Variants in CDK14 observed in about 807,000 individuals in gnomAD.
CDK14 encodes cyclin dependent kinase 14.
Under a neutral mutation model 60.7 loss-of-function variants are expected in CDK14, and 34 were observed. The observed-to-expected ratio is 0.56, with a 90% CI of 0.43 to 0.75. CDK14 has a LOEUF of 0.75. CDK14 is among the 30% of genes least tolerant of loss of function. The pLI, the probability that CDK14 is intolerant of heterozygous loss-of-function variation, is 0.00. For synonymous variants in CDK14, 197 were observed against 203.7 expected, an observed-to-expected ratio of 0.97 and a Z score of 0.28; for missense variants, 482 against 564.1, an observed-to-expected ratio of 0.85 and a Z score of 1.47.
chr7:91,000,664 A>G (rs1795812432), intron 10 of CDK14, among the ~76,000 whole-genome samples: 1 of 152,232 alleles, frequency 6.6e-6, no homozygotes, highest in African/African-American at 2.4e-5. Context: ...TATGTAGGAC[A>G]AGTTTTAGAA....
At chr7:90,897,782 G>A (rs2117346898) in intron 6 of CDK14, among the ~76,000 whole-genome samples, 1 of 152,078 alleles carries the variant, frequency 6.6e-6, no homozygotes, top group Non-Finnish European at 1.5e-5. Context: ...TCATATTTTA[G>A]GTTTGTTTTT....
intron 7 of CDK14, among the ~76,000 whole-genome samples, chr7:90,903,916 G>A (rs1355128427): frequency 6.6e-6 from 1 of 152,082 alleles, no homozygotes; most frequent in East Asian, 1.9e-4. Flanking sequence ...AAGGAGGAGA[G>A]GCCAAGATTT....
chr7:90,654,427 C>A (rs1800710733), intron 2 of CDK14, among the ~76,000 whole-genome samples: 1 of 152,064 alleles, frequency 6.6e-6, no homozygotes, highest in African/African-American at 2.4e-5. Context: ...TGTCCCTTGG[C>A]CAGAATTTTG....
chr7:91,147,149 C>CTCTG (rs1244711219), intron 14 of CDK14, among the ~76,000 whole-genome samples: 3 of 102,204 alleles, frequency 2.9e-5, no homozygotes, highest in Non-Finnish European at 4.3e-5. Flanking sequence ...CTGTCTCTCT[C>CTCTG]TCTCTCTCTC....
intron 10 of CDK14, among the ~76,000 whole-genome samples, chr7:91,003,010 T>C: frequency 6.6e-6 from 1 of 152,108 alleles, no homozygotes; most frequent in Non-Finnish European, 1.5e-5. Context: ...AGGCGGAGCT[T>C]ATAGTGAGCC....
At chr7:91,031,767 G>A (rs1400451127) in intron 10 of CDK14, among the ~76,000 whole-genome samples, 1 of 152,178 alleles carries the variant, frequency 6.6e-6, no homozygotes, top group Non-Finnish European at 1.5e-5. Context: ...ACATTTTCCA[G>A]GATGAAATAA....
At chr7:91,077,036 A>C (rs1405553382) in intron 11 of CDK14, among the ~76,000 whole-genome samples, 1 of 152,246 alleles carries the variant, frequency 6.6e-6, no homozygotes, top group Non-Finnish European at 1.5e-5. Context: ...GAACACTTTT[A>C]CACTGTTAGT....
rs368367380 is a variant in CDK14 at position 90,796,910 on chromosome 7, T to G, written c.544+6258T>G. 2.6e-5 allele frequency among the ~76,000 whole-genome samples: 4 copies of G among 151,850 alleles called. No individual in the cohort carries two copies. In the East Asian group the frequency reaches 5.8e-4, roughly 22 times the overall value. On this transcript the variant is annotated intron_variant, in intron 5 of 14. Transcript: ENST00000380050. The stretch of plus-strand genomic sequence containing the variant: ...GAATGTTGAGTGAAAACAGAGTCAG[T>G]TACAAGGCAAGGTAGAAACTCCCAT...
chr7:91,172,852 C>T (rs1418787549), intron 14 of CDK14, among the ~76,000 whole-genome samples: 2 of 152,284 alleles, frequency 1.3e-5, no homozygotes, highest in East Asian at 1.9e-4. Flanking sequence ...CTTTCACTCA[C>T]ATCAGATTTT....
rs747486615 is a variant in CDK14, at chr7:90,853,376, G to C, written c.545-9799G>C. ...ACTTTCAGTAGAATCTACCTCAGTA[G>C]CTTTGTGTGTGAGAGAGGGGAAACC... is the stretch of plus-strand genomic sequence containing the variant. On this transcript the variant is annotated intron_variant, in intron 5 of 14. Transcript: ENST00000380050. 1.2e-3 allele frequency among the ~76,000 whole-genome samples: 183 copies of C among 152,028 alleles called. 1 individual carries two copies. Among genetic ancestry groups the C allele is most frequent in the Non-Finnish European group, 2.2e-3 (147 of 67,996 alleles).
intron 6 of CDK14, among the ~76,000 whole-genome samples, chr7:90,885,560 A>G (rs1359930898): frequency 6.6e-6 from 1 of 152,240 alleles, no homozygotes; most frequent in Non-Finnish European, 1.5e-5. Flanking sequence ...CAATCCCATT[A>G]TAGGGTATAT....
chr7:91,080,735 A>G (rs567097776), intron 12 of CDK14, among the ~76,000 whole-genome samples: 3 of 152,354 alleles, frequency 2.0e-5, no homozygotes, highest in Non-Finnish European at 4.4e-5. Flanking sequence ...TTCCAACCAG[A>G]TAACCACTTT....
chr7:90,641,041 C>G (rs374269607), intron 2 of CDK14, among the ~76,000 whole-genome samples: 1 of 150,294 alleles, frequency 6.7e-6, no homozygotes, highest in Non-Finnish European at 1.5e-5. Context: ...AAAACCATCA[C>G]GAGCTACCAC....
chr7:90,893,080 T>A (rs1364316848), intron 6 of CDK14, among the ~76,000 whole-genome samples: 2 of 152,208 alleles, frequency 1.3e-5, no homozygotes, highest in Non-Finnish European at 2.9e-5. Flanking sequence ...AGTGTGGGGC[T>A]TGAGTCTTCA....
intron 8 of CDK14, among the ~76,000 whole-genome samples, chr7:90,925,167 A>G (rs1440999786): frequency 2.0e-5 from 3 of 152,224 alleles, no homozygotes; most frequent in African/African-American, 4.8e-5. Context: ...TTTCTGTGAA[A>G]TATCTGTCAA....
chr7:90,661,648 G>C (rs1219944477), intron 2 of CDK14, among the ~76,000 whole-genome samples: 1 of 152,126 alleles, frequency 6.6e-6, no homozygotes, highest in Non-Finnish European at 1.5e-5. Flanking sequence ...TAGGTCATCT[G>C]GTGACTAGTT....
At chr7:90,778,846 ACCTT>A (rs35971285) in intron 4 of CDK14, among the ~76,000 whole-genome samples, 11,216 of 127,868 alleles carry the variant, frequency 0.088, 518 homozygotes, top group Middle Eastern at 0.11. Flanking sequence ...AAATTGACCG[ACCTT>A]CCTTCCTTCC....
At chr7:90,891,211 A>G (rs1169155442) in intron 6 of CDK14, among the ~76,000 whole-genome samples, 1 of 152,182 alleles carries the variant, frequency 6.6e-6, no homozygotes, top group Non-Finnish European at 1.5e-5. Context: ...TAGAGTTTTT[A>G]TAATGGGTTC....
chr7:90,757,208 C>CTGTG (rs1804100459), intron 4 of CDK14, among the ~76,000 whole-genome samples: 8 of 86,306 alleles, frequency 9.3e-5, no homozygotes, highest in Non-Finnish European at 1.5e-4. Context: ...GGCATTCTTC[C>CTGTG]AGTGTGTGTG....
Sources: gnomAD v4.1 joint callset for allele counts (sites outside exome capture counted in the v4.1 genomes callset) on GRCh38, gnomAD v4.1.1 for gene constraint, MANE v1.5 for transcripts, NCBI Gene and HGNC (gene_info 2026-07-23, HGNC 2026-07-21) for gene names.